Variants in PIGL observed in about 807,000 individuals in gnomAD.
PIGL encodes the protein phosphatidylinositol glycan anchor biosynthesis class L.
In PIGL, 22 loss-of-function variants were observed where a neutral mutation model predicts 31.1. That is an observed-to-expected ratio of 0.71 (90% CI 0.51 to 1.01). The LOEUF is 1.01. Among genes scored for constraint, PIGL ranks in the 50% least tolerant of loss-of-function variants. The pLI is 0.00. For missense variants in PIGL, 302 were observed against 315.9 expected (o/e 0.96, Z 0.33); for synonymous variants, 131 against 117.4 (o/e 1.12, Z -0.75).
At chr17:16,299,787 C>G (rs1378896358) in intron 2 of PIGL, 101 bp from the exon 3 acceptor site, 9 of 817,042 alleles carry the variant, frequency 1.1e-5, no homozygotes, top group South Asian at 8.5e-5. Flanking sequence ...ACCCTTACCC[C>G]CAATGTAACT....
intron 2 of PIGL, among the ~76,000 whole-genome samples, chr17:16,258,726 C>G (rs892293205): frequency 6.6e-6 from 1 of 152,028 alleles, no homozygotes; most frequent in Non-Finnish European, 1.5e-5. Flanking sequence ...GTCTCGTACT[C>G]CTGACCTCAG....
intron 4 of PIGL, among the ~76,000 whole-genome samples, chr17:16,316,259 A>G (rs1487483762): frequency 6.6e-6 from 1 of 152,330 alleles, no homozygotes; most frequent in East Asian, 1.9e-4. Flanking sequence ...CTGCACTGTC[A>G]GAAGGTAGGC....
intron 4 of PIGL, among the ~76,000 whole-genome samples, chr17:16,315,257 C>T (rs1390358273): frequency 3.3e-5 from 5 of 152,188 alleles, no homozygotes; most frequent in African/African-American, 1.2e-4. Flanking sequence ...ATGGACATGC[C>T]ACCAATCTGC....
At chr17:16,289,382 T>C (rs2092951228) in intron 2 of PIGL, among the ~76,000 whole-genome samples, 1 of 152,218 alleles carries the variant, frequency 6.6e-6, no homozygotes, top group South Asian at 2.1e-4. Flanking sequence ...TGCTATCTCA[T>C]CCAACTCCAT....
chr17:16,317,513 C>G, intron 5 of PIGL: 1 of 1,211,686 alleles, frequency 8.3e-7, no homozygotes, highest in South Asian at 2.7e-5. Flanking sequence ...AGCCAGATCT[C>G]AACCTCTAGC....
intron 2 of PIGL, among the ~76,000 whole-genome samples, chr17:16,260,363 T>C (rs979494778): frequency 6.6e-6 from 1 of 152,184 alleles, no homozygotes; most frequent in African/African-American, 2.4e-5. Flanking sequence ...GACCTGCCCA[T>C]GGCAAACCAT....
intron 2 of PIGL, among the ~76,000 whole-genome samples, chr17:16,287,855 C>T (rs2092944491): frequency 6.6e-6 from 1 of 152,202 alleles, no homozygotes; most frequent in African/African-American, 2.4e-5. Flanking sequence ...AACTGCCGAC[C>T]TCTTTCCACT....
At chr17:16,254,560 A>G (rs1157442360) in intron 2 of PIGL, among the ~76,000 whole-genome samples, 3 of 150,946 alleles carry the variant, frequency 2.0e-5, no homozygotes, top group Admixed American at 2.0e-4. Flanking sequence ...GAGCCACCGC[A>G]CCTGGCATAT....
At chr17:16,252,706 A>G (rs1317345756) in intron 2 of PIGL, among the ~76,000 whole-genome samples, 2 of 152,106 alleles carry the variant, frequency 1.3e-5, no homozygotes, top group African/African-American at 4.8e-5. Flanking sequence ...ATTACAAATA[A>G]TTCTGTGTAC....
chr17:16,307,428 G>C (rs1327740367), intron 3 of PIGL, among the ~76,000 whole-genome samples: 2 of 152,210 alleles, frequency 1.3e-5, no homozygotes, highest in African/African-American at 4.8e-5. Context: ...TCCAGCCTGT[G>C]CTGTGCACGC....
rs1265530323 is a variant in PIGL at position 16,299,941 on chromosome 17, TC to T, written c.391del (p.Leu131SerfsTer5). The part of the protein sequence containing the change: ...MQWDTEHVAR[V>X]LLQHIEVNGI... ...TGGGACACAGAGCACGTGGCCAGAG[TC>T]CTCCTTCAGCACATAGAAGTGAATG... On this transcript the variant is annotated frameshift_variant, in exon 3 of 7. Coordinates refer to ENST00000225609, the MANE Select transcript of PIGL (RefSeq NM_004278.4). LOFTEE classifies it high-confidence loss of function. 6.2e-7 allele frequency: 1 copy of T among 1,613,916 alleles called. No individual in the cohort carries two copies. Among genetic ancestry groups the T allele is most frequent in the African/African-American group, 1.3e-5 (1 of 74,990 alleles).
chr17:16,318,969 A>G (rs1315127693), intron 6 of PIGL, among the ~76,000 whole-genome samples: 1 of 150,914 alleles, frequency 6.6e-6, no homozygotes, highest in East Asian at 2.0e-4. Context: ...ACAATACGTT[A>G]TGGGCTGGGC....
At chr17:16,274,990 C>G (rs2092888607) in intron 2 of PIGL, among the ~76,000 whole-genome samples, 1 of 151,552 alleles carries the variant, frequency 6.6e-6, no homozygotes, top group African/African-American at 2.4e-5. Context: ...TGAGATCACA[C>G]CACTGCACCC....
intron 2 of PIGL, among the ~76,000 whole-genome samples, chr17:16,254,411 G>A (rs1255822656): frequency 6.6e-6 from 1 of 152,020 alleles, no homozygotes; most frequent in African/African-American, 2.4e-5. Context: ...TGGGATTACA[G>A]GCATGCGCCA....
chr17:16,267,751 G>A (rs897190191), intron 2 of PIGL, among the ~76,000 whole-genome samples: 8 of 151,952 alleles, frequency 5.3e-5, no homozygotes, highest in Admixed American at 5.2e-4. Flanking sequence ...CCGAATTTGT[G>A]GTTTCTAACT....
intron 2 of PIGL, among the ~76,000 whole-genome samples, chr17:16,260,470 AG>A (rs552864782): frequency 5.7e-4 from 86 of 152,184 alleles, no homozygotes; most frequent in Admixed American, 9.8e-4. Context: ...GCCTGCTGTT[AG>A]GAGCTACTCA....
At chr17:16,223,672 G>A (rs1046717177) in intron 1 of PIGL, among the ~76,000 whole-genome samples, 15 of 151,776 alleles carry the variant, frequency 9.9e-5, no homozygotes, top group African/African-American at 3.4e-4. Flanking sequence ...TTGAGGCCAG[G>A]AGTTCAAGAC....
At chr17:16,298,255 G>A (rs1364692765) in intron 2 of PIGL, among the ~76,000 whole-genome samples, 2 of 152,122 alleles carry the variant, frequency 1.3e-5, no homozygotes, top group African/African-American at 2.4e-5. Context: ...CCCAAAGTCC[G>A]AAAGGGGGCC....
intron 2 of PIGL, among the ~76,000 whole-genome samples, chr17:16,269,930 A>T (rs1011464509): frequency 1.8e-4 from 27 of 152,214 alleles, no homozygotes; most frequent in African/African-American, 6.3e-4. Flanking sequence ...CACTTCATTC[A>T]TCTGTCTTTA....
Sources: allele counts gnomAD v4.1 joint callset (sites outside exome capture counted in the v4.1 genomes callset), GRCh38; gene constraint gnomAD v4.1.1; transcripts MANE v1.5; gene names NCBI Gene and HGNC (gene_info 2026-07-23, HGNC 2026-07-21).